RANBP2: variants seen among roughly 807,000 people sequenced by gnomAD.
RANBP2 encodes E3 SUMO-protein ligase RanBP2.
In RANBP2, 57 loss-of-function variants were observed where a neutral mutation model predicts 303.6. The observed-to-expected ratio is 0.19, with a 90% confidence interval of 0.15 to 0.23. The LOEUF is 0.23. Ranked by LOEUF, RANBP2 falls within the 10% of genes least tolerant of loss-of-function variation. The pLI, the probability that RANBP2 is intolerant of heterozygous loss-of-function variation, is 1.00. For missense variants in RANBP2, 3,138 were observed against 3,780.8 expected, an observed-to-expected ratio of 0.83 and a Z score of 4.46; for synonymous variants, 1,167 against 1,301.5, an observed-to-expected ratio of 0.90 and a Z score of 2.23.
the RANBP2 span, among the ~76,000 whole-genome samples, chr2:108,850,011 G>A: frequency 6.6e-6 from 1 of 152,194 alleles, no homozygotes. Flanking sequence ...TGTAAAAGGG[G>A]CCTTTGTCCT....
chr2:109,594,635 T>C, the RANBP2 span: 2 of 152,288 alleles, frequency 1.3e-5, no homozygotes, highest in East Asian at 3.8e-4. Flanking sequence ...TGAACCATGC[T>C]GCAACAAACG....
At chr2:109,132,847 G>A in the RANBP2 span, among the ~76,000 whole-genome samples, 30,953 of 152,138 alleles carry the variant, frequency 0.2, 3,917 homozygotes, top group Middle Eastern at 0.36. Context: ...CAGTGCAGTG[G>A]GAGTCTTGCT....
chr2:108,820,308 T>C, the RANBP2 span, among the ~76,000 whole-genome samples: 1 of 152,044 alleles, frequency 6.6e-6, no homozygotes, highest in African/African-American at 2.4e-5. Context: ...CGAAGAAAAG[T>C]GACGACAGTC....
chr2:108,855,686 G>A, the RANBP2 span, among the ~76,000 whole-genome samples: 1 of 152,158 alleles, frequency 6.6e-6, no homozygotes, highest in Non-Finnish European at 1.5e-5. Context: ...CAGAGGCACA[G>A]ATCTTACTTT....
At chr2:109,516,440 TG>T in the RANBP2 span, among the ~76,000 whole-genome samples, 1 of 152,208 alleles carries the variant, frequency 6.6e-6, no homozygotes, top group Non-Finnish European at 1.5e-5. Context: ...GGCCTACAGC[TG>T]GGGCTGAGCA....
At chr2:108,736,052 T>G (rs1695556458) in intron 5 of RANBP2, 52 bp from the exon 6 acceptor site, 1 of 1,611,546 alleles carries the variant, frequency 6.2e-7, no homozygotes, top group Non-Finnish European at 8.5e-7. Context: ...AAATGATTAA[T>G]TTCTTAACAT....
At chr2:109,241,157 A>G in the RANBP2 span, among the ~76,000 whole-genome samples, 6,217 of 152,318 alleles carry the variant, frequency 0.041, 412 homozygotes, top group African/African-American at 0.14. Context: ...TGATGACAAG[A>G]AGAGAGCGAA....
chr2:109,569,195 G>A, the RANBP2 span, among the ~76,000 whole-genome samples: 2 of 152,100 alleles, frequency 1.3e-5, no homozygotes, highest in Non-Finnish European at 2.9e-5. Flanking sequence ...TTGAAAGGCT[G>A]AGGCAGGTGG....
At chr2:108,977,461 G>A in the RANBP2 span, among the ~76,000 whole-genome samples, 2 of 152,120 alleles carry the variant, frequency 1.3e-5, no homozygotes, top group South Asian at 2.1e-4. Context: ...TAGTAGAGAC[G>A]CGGTTTCACT....
the RANBP2 span, among the ~76,000 whole-genome samples, chr2:108,916,654 G>A: frequency 6.6e-6 from 1 of 152,082 alleles, no homozygotes; most frequent in Non-Finnish European, 1.5e-5. Flanking sequence ...GGTGTGCAGG[G>A]ATCCCTGAGT....
chr2:109,241,528 T>A, the RANBP2 span, among the ~76,000 whole-genome samples: 1 of 152,158 alleles, frequency 6.6e-6, no homozygotes, highest in African/African-American at 2.4e-5. Flanking sequence ...AAATCAGATT[T>A]ATAACCATCC....
the RANBP2 span, among the ~76,000 whole-genome samples, chr2:108,887,406 G>A: frequency 0.088 from 13,421 of 152,086 alleles, 819 homozygotes; most frequent in African/African-American, 0.16. Flanking sequence ...TTGATTCTGT[G>A]AAAAGTGATG....
At chr2:109,083,810 C>T in the RANBP2 span, among the ~76,000 whole-genome samples, 1 of 151,902 alleles carries the variant, frequency 6.6e-6, no homozygotes, top group Admixed American at 6.6e-5. Context: ...AGTGTCATCA[C>T]CTCCCTTTCT....
chr2:108,872,666 A>T, the RANBP2 span, among the ~76,000 whole-genome samples: 4 of 152,270 alleles, frequency 2.6e-5, no homozygotes, highest in East Asian at 7.7e-4. Context: ...CAAGAGGGCA[A>T]GAGAGAGCAA....
intron 25 of RANBP2, among the ~76,000 whole-genome samples, chr2:108,778,706 A>G (rs983346874): frequency 6.6e-6 from 1 of 151,680 alleles, no homozygotes; most frequent in Non-Finnish European, 1.5e-5. Context: ...GCTTTTGGCA[A>G]AAAAGTTGCT....
At chr2:109,411,680 AC>A in the RANBP2 span, among the ~76,000 whole-genome samples, 1 of 151,820 alleles carries the variant, frequency 6.6e-6, no homozygotes, top group Non-Finnish European at 1.5e-5. Flanking sequence ...TGTCCCTCGC[AC>A]CCCTCGCCCT....
the RANBP2 span, among the ~76,000 whole-genome samples, chr2:109,582,096 A>T: frequency 2.0e-5 from 3 of 149,724 alleles, no homozygotes; most frequent in Non-Finnish European, 3.0e-5. Flanking sequence ...ACACACACAC[A>T]CACACACACA....
the RANBP2 span, among the ~76,000 whole-genome samples, chr2:109,011,509 T>C: frequency 6.6e-6 from 1 of 152,194 alleles, no homozygotes; most frequent in African/African-American, 2.4e-5. Context: ...TCTGAAATTT[T>C]ATGATGATGT....
the RANBP2 span, among the ~76,000 whole-genome samples, chr2:109,499,953 A>T: frequency 6.6e-6 from 1 of 152,136 alleles, no homozygotes; most frequent in Non-Finnish European, 1.5e-5. Context: ...GGGAGCAGGG[A>T]GGCAGCGAGT....
Sources: gnomAD v4.1 joint callset for allele counts (sites outside exome capture counted in the v4.1 genomes callset) on GRCh38, gnomAD v4.1.1 for gene constraint, MANE v1.5 for transcripts, NCBI Gene and HGNC (gene_info 2026-07-23, HGNC 2026-07-21) for gene names.